The following ADGRL3 variants were observed in gnomAD, a reference collection of about 807,000 sequenced individuals.
ADGRL3 encodes the protein calcium-independent alpha-latrotoxin receptor 3.
In ADGRL3, 62 loss-of-function variants were observed where a neutral mutation model predicts 153.5. The observed-to-expected ratio is 0.40, with a 90% CI of 0.33 to 0.50. ADGRL3 has a LOEUF of 0.50. Among genes scored for constraint, ADGRL3 ranks in the 20% least tolerant of loss-of-function variants. The probability of loss-of-function intolerance (pLI) is 0.47; values close to 1 mark genes in which losing one functional copy is unlikely to be tolerated. For missense variants in ADGRL3, 1,641 were observed against 1,859.4 expected (o/e 0.88, Z 2.16); for synonymous variants, 710 against 672.5 (o/e 1.06, Z -0.86).
chr4:61,850,434 G>C (rs1273208224), intron 9 of ADGRL3, among the ~76,000 whole-genome samples: 1 of 152,074 alleles, frequency 6.6e-6, no homozygotes, highest in African/African-American at 2.4e-5. Flanking sequence ...ATAAAGAATA[G>C]AATGGGCTCT....
At chr4:61,360,669 C>A (rs2096269111) in intron 1 of ADGRL3, among the ~76,000 whole-genome samples, 1 of 152,068 alleles carries the variant, frequency 6.6e-6, no homozygotes, top group Non-Finnish European at 1.5e-5. Flanking sequence ...AACATAGCTG[C>A]TGAATGCAAC....
intron 2 of ADGRL3, chr4:61,425,554 A>T (rs1305323391): frequency 2.6e-5 from 4 of 152,292 alleles, no homozygotes; most frequent in Admixed American, 2.6e-4. Context: ...AACAAGGATG[A>T]ATCATGCCCT....
intron 11 of ADGRL3, among the ~76,000 whole-genome samples, chr4:61,900,727 A>G (rs1349408): frequency 0.77 from 117,528 of 152,048 alleles, 45,768 homozygotes; most frequent in East Asian, 0.99. Context: ...GGATGGAAAA[A>G]TAGGGAGAAG....
chr4:62,059,419 A>G (rs138250694), intron 25 of ADGRL3, among the ~76,000 whole-genome samples: 1 of 152,214 alleles, frequency 6.6e-6, no homozygotes, highest in African/African-American at 2.4e-5. Context: ...AATTTCAGAA[A>G]CAATAATTAC....
At chr4:61,535,872 T>G (rs2098652779) in intron 4 of ADGRL3, among the ~76,000 whole-genome samples, 1 of 152,102 alleles carries the variant, frequency 6.6e-6, no homozygotes, top group South Asian at 2.1e-4. Flanking sequence ...TCATTTATTC[T>G]TTGTACTTTT....
chr4:61,542,026 G>T (rs1331222635), intron 4 of ADGRL3, among the ~76,000 whole-genome samples: 1 of 152,068 alleles, frequency 6.6e-6, no homozygotes, highest in Non-Finnish European at 1.5e-5. Flanking sequence ...ATTAGAATTA[G>T]TTCAAGAGAT....
chr4:61,347,967 C>T (rs937973558), intron 1 of ADGRL3, among the ~76,000 whole-genome samples: 2 of 152,130 alleles, frequency 1.3e-5, no homozygotes, highest in Admixed American at 6.6e-5. Context: ...AATGATTCCA[C>T]CCCTAGTGAA....
chr4:61,678,581 A>G (rs1337587611), intron 6 of ADGRL3, among the ~76,000 whole-genome samples: 1 of 151,964 alleles, frequency 6.6e-6, no homozygotes, highest in Non-Finnish European at 1.5e-5. Flanking sequence ...ATAGTTTACC[A>G]CAGGTTTCCT....
chr4:61,777,294 C>G (rs1359436487), intron 8 of ADGRL3, among the ~76,000 whole-genome samples: 2 of 151,886 alleles, frequency 1.3e-5, no homozygotes, highest in Non-Finnish European at 2.9e-5. Context: ...GATCGCGCCA[C>G]TGCACTCCAG....
rs576597339 is a variant in ADGRL3, at chr4:61,372,343, T to C, written c.-239-10781T>C. On this transcript the variant is annotated intron_variant, in intron 1 of 26. Coordinates refer to ENST00000683033, the MANE Select transcript of ADGRL3 (RefSeq NM_001387552.1). ...GTTTCCAGTTTTTCTGTTCTGTTTT[T>C]TCCCCATCTTTGTGGTTTTATCTAC... 9.4e-4 allele frequency among the ~76,000 whole-genome samples: 143 copies of C among 152,230 alleles called. 4 individuals are homozygous for C. In the South Asian group the frequency reaches 0.024, roughly 25 times the overall value.
intron 17 of ADGRL3, among the ~76,000 whole-genome samples, chr4:61,971,386 C>G (rs2099026964): frequency 6.6e-6 from 1 of 152,156 alleles, no homozygotes; most frequent in East Asian, 1.9e-4. Context: ...CAATTCCCAT[C>G]TATGAGTGAG....
intron 1 of ADGRL3, among the ~76,000 whole-genome samples, chr4:61,295,107 T>G (rs1021996580): frequency 2.0e-5 from 3 of 152,146 alleles, no homozygotes; most frequent in Admixed American, 6.5e-5. Flanking sequence ...TTGTCCCTCC[T>G]GAGACATTAA....
chr4:61,880,746 A>AT (rs886521393), intron 9 of ADGRL3, among the ~76,000 whole-genome samples: 2 of 152,160 alleles, frequency 1.3e-5, no homozygotes, highest in African/African-American at 4.8e-5. Context: ...AGGATTTACA[A>AT]TTTTTTTGTG....
At chr4:61,309,307 A>G (rs2094913961) in intron 1 of ADGRL3, among the ~76,000 whole-genome samples, 1 of 152,116 alleles carries the variant, frequency 6.6e-6, no homozygotes, top group South Asian at 2.1e-4. Context: ...CTGTTATACA[A>G]TGGGGATTTG....
At chr4:61,644,745 A>G (rs2093878626) in intron 5 of ADGRL3, among the ~76,000 whole-genome samples, 3 of 152,112 alleles carry the variant, frequency 2.0e-5, no homozygotes, top group Non-Finnish European at 2.9e-5. Flanking sequence ...TTTGGTGCTG[A>G]AAAAATGTAT....
At chr4:62,064,056 A>G (rs1741642308) in intron 25 of ADGRL3, among the ~76,000 whole-genome samples, 1 of 152,148 alleles carries the variant, frequency 6.6e-6, no homozygotes, top group South Asian at 2.1e-4. Flanking sequence ...TTGTTATACC[A>G]TAAAGTACAC....
At chr4:61,579,450 A>C (rs2098913833) in intron 4 of ADGRL3, 1 of 261,280 alleles carries the variant, frequency 3.8e-6, no homozygotes, top group African/African-American at 2.3e-5. Context: ...GACAATGTGG[A>C]AAGTGATTTC....
At position 62,023,350 on chromosome 4, in the gene ADGRL3, A is replaced by G. The variant is rs12642110; in HGVS notation, c.3396-5505A>G. On this transcript the variant is annotated intron_variant, in intron 21 of 26. Transcript: ENST00000683033. The stretch of plus-strand genomic sequence containing the variant: ...AAAGAAAGTGGTTTCTTAAGATAGA[A>G]TCTACTCCTGGTAAAGATGCTGTGC... Among the ~76,000 whole-genome samples, 4,243 of 152,274 alleles carry G rather than the reference A, an allele frequency of 0.028. 336 individuals carry two copies. In the East Asian group the frequency reaches 0.32, roughly 11 times the overall value.
intron 5 of ADGRL3, among the ~76,000 whole-genome samples, chr4:61,638,910 C>T (rs1407900314): frequency 6.6e-6 from 1 of 152,156 alleles, no homozygotes; most frequent in East Asian, 1.9e-4. Context: ...CTCCTGCTTT[C>T]CTCTTCACTT....
Sources: allele counts gnomAD v4.1 joint callset (sites outside exome capture counted in the v4.1 genomes callset), GRCh38; gene constraint gnomAD v4.1.1; transcripts MANE v1.5; gene names NCBI Gene and HGNC (gene_info 2026-07-23, HGNC 2026-07-21).